Variants in ALPK3 observed in about 807,000 individuals in gnomAD.
ALPK3 encodes the protein alpha kinase 3.
A neutral mutation model predicts 140.0 loss-of-function variants in ALPK3; 102 were observed. That is an observed-to-expected ratio of 0.73 (90% CI 0.62 to 0.86). The LOEUF (loss-of-function observed/expected upper bound fraction) is 0.86. Ranked by LOEUF, ALPK3 falls within the 40% of genes least tolerant of loss-of-function variation. The pLI, the probability that ALPK3 is intolerant of heterozygous loss-of-function variation, is 0.00. For synonymous variants in ALPK3, 938 were observed against 898.5 expected (o/e 1.04, Z -0.79); for missense variants, 2,254 against 2,208.2 (o/e 1.02, Z -0.42).
At position 84,854,304 on chromosome 15, in the gene ALPK3, T is replaced by G. The variant is rs145463650; in HGVS notation, c.1654-2088T>G. Among the ~76,000 whole-genome samples the G allele has an allele frequency of 1.6e-3, 248 of 151,818 alleles. 3 individuals are homozygous for G. The East Asian group carries it at 0.038, about 23-fold the overall frequency. ...TGCATTTTCTTCATTCATCTTTTTT[T>G]GAGCCAGAGTTTCACTCTTGTTGCC... On this transcript the variant is annotated intron_variant, in intron 5 of 13. Transcript: ENST00000258888.
chr15:84,826,220 G>A (rs1963486911), intron 2 of ALPK3, among the ~76,000 whole-genome samples: 1 of 152,184 alleles, frequency 6.6e-6, no homozygotes, highest in Admixed American at 6.5e-5. Context: ...ATCGAATGTG[G>A]AATCCCTCCC....
rs761129046 is a variant in ALPK3, at chr15:84,858,138, G to A, written c.3400G>A (p.Ala1134Thr). ...ACAGGGGCCCTCAGCAGAGAGCATA[G>A]CCCAGGAGCCCTCCCAAGAGGAGAA... ...PGQGPSAESI[A>T]QEPSQEEKFP... is the part of the protein sequence containing the mutation. Residue 1134 changes from alanine (A) to threonine (T), a missense_variant, in exon 6 of 14, where the codon GCC (alanine) becomes ACC (threonine). This residue lies in a region of ALPK3 where 2,088 missense variants were observed against 2,022.9 expected (regional missense o/e 1.03). Transcript: ENST00000258888. 7.5e-6 allele frequency: 12 copies of A among 1,601,296 alleles called. No individual in the cohort carries two copies. In the African/African-American group the frequency reaches 1.6e-4, roughly 22 times the overall value.
chr15:84,818,050 TGGGGA>T (rs1354024277), intron 1 of ALPK3, among the ~76,000 whole-genome samples: 3 of 151,614 alleles, frequency 2.0e-5, no homozygotes, highest in African/African-American at 4.9e-5. Flanking sequence ...TAGCTCAGGG[TGGGGA>T]GGTTCTCCAG....
chr15:84,853,891 A>G (rs1963833320), intron 5 of ALPK3, among the ~76,000 whole-genome samples: 1 of 152,044 alleles, frequency 6.6e-6, no homozygotes, highest in African/African-American at 2.4e-5. Flanking sequence ...GCTCACACCT[A>G]TAATCCTAGC....
intron 3 of ALPK3, among the ~76,000 whole-genome samples, chr15:84,829,557 A>C (rs1963523398): frequency 6.6e-6 from 1 of 152,160 alleles, no homozygotes; most frequent in Non-Finnish European, 1.5e-5. Context: ...ATGATTATTC[A>C]TGAGGAGGTA....
chr15:84,850,559 T>G (rs76525192), intron 5 of ALPK3, among the ~76,000 whole-genome samples: 99 of 146,424 alleles, frequency 6.8e-4, no homozygotes, highest in African/African-American at 2.1e-3. Context: ...AAATATTTTG[T>G]TTTTTTTTTG....
chr15:84,837,321 T>C (rs6496458), intron 3 of ALPK3, among the ~76,000 whole-genome samples: 102,243 of 152,094 alleles, frequency 0.67, 34,694 homozygotes, highest in East Asian at 0.91. Flanking sequence ...CGAGCAGGAA[T>C]AATTGCTGGA....
intron 12 of ALPK3, among the ~76,000 whole-genome samples, chr15:84,866,361 A>G (rs1964003638): frequency 6.6e-6 from 1 of 152,214 alleles, no homozygotes; most frequent in African/African-American, 2.4e-5. Flanking sequence ...TCACCTTTAC[A>G]CTTGAAGATT....
intron 3 of ALPK3, among the ~76,000 whole-genome samples, chr15:84,832,432 G>GA (rs1963553691): frequency 6.6e-6 from 1 of 152,178 alleles, no homozygotes; most frequent in South Asian, 2.1e-4. Flanking sequence ...TAGTGAGTTT[G>GA]AGGGAGGGTA....
At chr15:84,865,732 G>A (rs1426819198) in intron 12 of ALPK3, among the ~76,000 whole-genome samples, 1 of 152,224 alleles carries the variant, frequency 6.6e-6, no homozygotes, top group Non-Finnish European at 1.5e-5. Flanking sequence ...GCCGAGGCAG[G>A]TGGACCACTT....
In ALPK3 at chr15:84,862,425, G is replaced by C. The variant is rs11857540; in HGVS notation, c.4130-210G>C. 0.058 allele frequency among the ~76,000 whole-genome samples: 8,878 copies of C among 152,130 alleles called. 380 individuals are homozygous for C. The highest frequency in any genetic ancestry group is 0.18 in the East Asian group (899 of 5,108). ...GATGGATACCACATGGGTACCGCTA[G>C]ATGGCAGGGGTTGAATCAAATAGAG... On this transcript the variant is annotated intron_variant, in intron 9 of 13. Coordinates refer to ENST00000258888, the MANE Select transcript of ALPK3 (RefSeq NM_020778.5).
chr15:84,860,871 C>G (rs78688447), intron 9 of ALPK3, among the ~76,000 whole-genome samples: 12,153 of 152,246 alleles, frequency 0.08, 529 homozygotes, highest in African/African-American at 0.11. Flanking sequence ...TACAGGCATG[C>G]ACCACCATGC....
intron 8 of ALPK3, 42 bp downstream of exon 8, chr15:84,859,945 T>C (rs1963923174): frequency 3.1e-6 from 5 of 1,613,718 alleles, no homozygotes; most frequent in South Asian, 1.1e-5. Context: ...CTGGCCTGGC[T>C]CCTGGTGGGT....
intron 12 of ALPK3, among the ~76,000 whole-genome samples, 169 bp downstream of exon 12, chr15:84,864,834 C>T (rs1301836317): frequency 8.5e-5 from 13 of 152,146 alleles, no homozygotes; most frequent in Admixed American, 6.5e-4. Context: ...ACATTTTGCT[C>T]GCAACCCTAA....
At chr15:84,853,283 G>C (rs567470886) in intron 5 of ALPK3, among the ~76,000 whole-genome samples, 1 of 152,072 alleles carries the variant, frequency 6.6e-6, no homozygotes, top group Admixed American at 6.6e-5. Context: ...GTTAATATCC[G>C]GTTGTCAGAG....
At chr15:84,847,152 A>G (rs530683442) in intron 5 of ALPK3, among the ~76,000 whole-genome samples, 23 of 151,952 alleles carry the variant, frequency 1.5e-4, no homozygotes, top group South Asian at 4.2e-4. Context: ...AAATTATTCA[A>G]TCTGAACACA....
intron 1 of ALPK3, among the ~76,000 whole-genome samples, chr15:84,822,707 G>T (rs1963441202): frequency 6.6e-6 from 1 of 152,210 alleles, no homozygotes. Context: ...CCAGGCAAGA[G>T]AGATGATTGG....
intron 2 of ALPK3, among the ~76,000 whole-genome samples, chr15:84,827,170 G>T: frequency 6.6e-6 from 1 of 152,214 alleles, no homozygotes; most frequent in East Asian, 1.9e-4. Flanking sequence ...GGTGCAGGGT[G>T]AAGTAAGGCC....
In ALPK3 at chr15:84,860,133, C is replaced by A; in HGVS notation, c.4129+61C>A. The A allele has an allele frequency of 1.3e-5, 20 of 1,587,450 alleles. No homozygotes were observed. The South Asian group carries it at 2.0e-4, about 16-fold the overall frequency. Reference sequence around the variant, plus strand: ...ACCCCTGCCATCTGCAGGGAGGACCCTCTTTAAGGGCTTGGAATCTGGTCC... The same window carrying A: ...ACCCCTGCCATCTGCAGGGAGGACCATCTTTAAGGGCTTGGAATCTGGTCC... On this transcript the variant is annotated intron_variant, in intron 9 of 13. Transcript: ENST00000258888.
Sources: allele counts gnomAD v4.1 joint callset (sites outside exome capture counted in the v4.1 genomes callset), GRCh38; gene constraint gnomAD v4.1.1; regional missense constraint gnomAD v4.1.1; transcripts MANE v1.5; gene names NCBI Gene and HGNC (gene_info 2026-07-23, HGNC 2026-07-21).